Variants in JPH2 observed in about 807,000 individuals in gnomAD.
The protein encoded by JPH2 is junctophilin-2.
A neutral mutation model predicts 55.9 loss-of-function variants in JPH2; 38 were observed. That is an observed-to-expected ratio of 0.68 (90% CI 0.52 to 0.89). The LOEUF (loss-of-function observed/expected upper bound fraction) is 0.89, where lower values mean the gene tolerates loss of function less well. JPH2 is among the 40% of genes least tolerant of loss of function. The pLI is 0.00. For missense variants in JPH2, 964 were observed against 1,037.6 expected (o/e 0.93, Z 0.97); for synonymous variants, 480 against 472.4 (o/e 1.02, Z -0.21).
At chr20:44,133,303 A>C (rs924478884) in intron 2 of JPH2, among the ~76,000 whole-genome samples, 8 of 151,238 alleles carry the variant, frequency 5.3e-5, no homozygotes, top group Non-Finnish European at 1.2e-4. Context: ...GGATATTCTG[A>C]ATGTGCATAA....
intron 2 of JPH2, among the ~76,000 whole-genome samples, chr20:44,152,674 G>A (rs545093165): frequency 6.6e-6 from 1 of 152,340 alleles, no homozygotes; most frequent in East Asian, 1.9e-4. Flanking sequence ...CCAGTGTCAG[G>A]CCCTCTTCCC....
rs142377629 is a variant in JPH2, at chr20:44,186,424, G to A, written c.282C>T (p.Tyr94=). 2.4e-5 allele frequency: 38 copies of A among 1,613,730 alleles called. No homozygotes were observed. Among genetic ancestry groups the A allele is most frequent in the African/African-American group, 9.4e-5 (7 of 74,838 alleles). ...GEWTHGFKGR[Y]GIRQSSSSGA... ...CGCTGCTTGAGCTCTGCCGGATTCC[G>A]TAGCGTCCCTTGAAGCCATGTGTCC... Residue 94 remains tyrosine, a synonymous_variant, in exon 1 of 6, where the codon TAC becomes TAT. Coordinates refer to ENST00000372980, the MANE Select transcript of JPH2 (RefSeq NM_020433.5).
At chr20:44,126,134 A>G (rs796673855) in intron 2 of JPH2, among the ~76,000 whole-genome samples, 1 of 50,250 alleles carries the variant, frequency 2.0e-5, no homozygotes, top group African/African-American at 8.2e-5. Flanking sequence ...TCAGAAGAAA[A>G]AGAGAGAGGG....
Position 44,160,229 on chromosome 20 carries a change from G to A in JPH2, c.558C>T (p.Asp186=). 21 of 1,491,938 alleles carry A rather than the reference G, an allele frequency of 1.4e-5. No individual in the cohort carries two copies. Among genetic ancestry groups the A allele is most frequent in the Non-Finnish European group, 1.8e-5 (20 of 1,126,170 alleles). 92.4% of individuals were successfully genotyped at this position (1,491,938 alleles called of 1,614,324 possible). The change falls in exon 2 of 6, where the codon GAC becomes GAT. Residue 186 remains aspartate (D), a synonymous_variant. Coordinates refer to ENST00000372980, the MANE Select transcript of JPH2 (RefSeq NM_020433.5). The surrounding 1 kb of genome is among the most constrained non-coding windows in gnomAD (Gnocchi z 4.9). ...APDSPASPAS[D]GPALPSPAIP... ...TGGCGGGCGAGGGCAGCGCGGGGCC[G>A]TCGGAGGCCGGCGAGGCGGGAGAGT...
At chr20:44,175,370 A>G (rs1408627837) in intron 1 of JPH2, among the ~76,000 whole-genome samples, 1 of 152,192 alleles carries the variant, frequency 6.6e-6, no homozygotes, top group Non-Finnish European at 1.5e-5. Flanking sequence ...ACTTCATCGC[A>G]TGGTCTCATA....
At chr20:44,121,273 T>C (rs1246624394) in intron 2 of JPH2, among the ~76,000 whole-genome samples, 1 of 152,148 alleles carries the variant, frequency 6.6e-6, no homozygotes, top group Non-Finnish European at 1.5e-5. Flanking sequence ...AGGAAGAGCT[T>C]TGTGCCTTCG....
At chr20:44,132,562 C>T (rs369996521) in intron 2 of JPH2, among the ~76,000 whole-genome samples, 5 of 151,762 alleles carry the variant, frequency 3.3e-5, no homozygotes, top group East Asian at 3.9e-4. Flanking sequence ...GGCCCAAGCA[C>T]GAGGCCGGAG....
Position 44,160,181 on chromosome 20 carries a change from G to A in JPH2, c.606C>T (p.Leu202=). 7.1e-7 allele frequency: 1 copy of A among 1,404,492 alleles called. No homozygotes were observed. The allele number at this position is 1,404,492 out of a possible 1,614,324, so 87.0% of individuals were successfully genotyped here. A position where few individuals can be genotyped will look rare whatever the true frequency, so the allele number is the denominator to read the frequency against. Residue 202 remains leucine (L), a synonymous_variant, in exon 2 of 6, where the codon CTC becomes CTT. Transcript: ENST00000372980. The surrounding 1 kb of genome is among the most constrained non-coding windows in gnomAD (Gnocchi z 4.9). The stretch of plus-strand genomic sequence containing the variant: ...CCGCCTCGGCATTGGCCAGGAGGCT[G>A]AGCGCGAAGCCGCCACGCGGGATGG... ...SPAIPRGGFA[L]SLLANAEAAA...
rs2072596992 is a variant in JPH2 at position 44,160,003 on chromosome 20, A to G, written c.784T>C (p.Ser262Pro). ...DLSSGASDAASTASLGEAAEG... is the reference protein window; with the variant it reads ...DLSSGASDAAPTASLGEAAEG... ...GCGGCCTCTCCCAGGCTGGCGGTGG[A>G]CGCGGCGTCGCTGGCGCCCGAGCTG... The change falls in exon 2 of 6, where the codon TCC (serine) becomes CCC (proline). Residue 262 changes from serine to proline, a missense_variant. Ser to Pro is a moderately conservative substitution (Grantham distance 74, BLOSUM62 -1). Coordinates refer to ENST00000372980, the MANE Select transcript of JPH2 (RefSeq NM_020433.5). The surrounding 1 kb of genome is among the most constrained non-coding windows in gnomAD (Gnocchi z 4.9). 6.3e-7 allele frequency: 1 copy of G among 1,577,972 alleles called. No individual in the cohort carries two copies. The highest frequency in any genetic ancestry group is 8.6e-7 in the Non-Finnish European group (1 of 1,168,598).
chr20:44,144,648 C>G (rs1160201274), intron 2 of JPH2, among the ~76,000 whole-genome samples: 1 of 152,118 alleles, frequency 6.6e-6, no homozygotes, highest in East Asian at 1.9e-4. Flanking sequence ...AGAGACTTTC[C>G]CTCCCCACCG....
chr20:44,147,427 G>A (rs1034050295), intron 2 of JPH2, among the ~76,000 whole-genome samples: 1 of 152,166 alleles, frequency 6.6e-6, no homozygotes, highest in Admixed American at 6.5e-5. Context: ...CTAAAGGGAG[G>A]AAGATAAATC....
At chr20:44,167,744 G>T (rs528304916) in intron 1 of JPH2, among the ~76,000 whole-genome samples, 2 of 152,112 alleles carry the variant, frequency 1.3e-5, no homozygotes, top group South Asian at 4.1e-4. Context: ...TTAAGCCTGC[G>T]GAGCCTCAGT....
At chr20:44,126,143 G>GAGA (rs1569186855) in intron 2 of JPH2, among the ~76,000 whole-genome samples, 1 of 26,230 alleles carries the variant, frequency 3.8e-5, no homozygotes, top group Admixed American at 5.6e-4. Flanking sequence ...AAAGAGAGAG[G>GAGA]GAGGGAGGGA....
chr20:44,186,989 A>C lies in JPH2; in HGVS notation c.-284T>G. 3 of 518,864 alleles carry C rather than the reference A, an allele frequency of 5.8e-6. No homozygotes were observed. The highest frequency in any genetic ancestry group is 3.4e-5 in the East Asian group (1 of 29,348). The allele number at this position is 518,864 out of a possible 1,614,324, so 32.1% of individuals were successfully genotyped here. ...GAAGGAAAGGTTCAAAGTCCCCACA[A>C]AGCGTCCCAAGTCTGCCTTCCAAGA... On this transcript the variant is annotated 5_prime_UTR_variant, in exon 1 of 6. Coordinates refer to ENST00000372980, the MANE Select transcript of JPH2 (RefSeq NM_020433.5).
In JPH2 at chr20:44,108,395, T is replaced by C. The variant is rs76979957; in HGVS notation, c.*5123A>G. Among the ~76,000 whole-genome samples, 353 of 152,110 alleles carry C rather than the reference T, an allele frequency of 2.3e-3. 11 individuals carry two copies. The East Asian group carries it at 0.06, about 26-fold the overall frequency. On this transcript the variant is annotated 3_prime_UTR_variant, in exon 6 of 6. Coordinates refer to ENST00000372980, the MANE Select transcript of JPH2 (RefSeq NM_020433.5). ...GAATTATTGAGTATGAGGATAATCA[T>C]AGGAACCCCCTTGTTTGTAGCCAGT... is the stretch of plus-strand genomic sequence containing the variant.
chr20:44,123,059 T>C (rs62205906), intron 2 of JPH2, among the ~76,000 whole-genome samples: 361 of 152,256 alleles, frequency 2.4e-3, no homozygotes, highest in Non-Finnish European at 3.7e-3. Context: ...CCCTGGAAGA[T>C]TCTGGGGGAC....
chr20:44,176,415 C>T (rs530963303), intron 1 of JPH2, among the ~76,000 whole-genome samples: 136 of 148,938 alleles, frequency 9.1e-4, no homozygotes, highest in African/African-American at 2.9e-3. Flanking sequence ...GCCTTGGCCT[C>T]TTAAAGCGCT....
intron 2 of JPH2, among the ~76,000 whole-genome samples, chr20:44,120,920 G>C (rs1203806384): frequency 6.6e-6 from 1 of 152,212 alleles, no homozygotes; most frequent in Non-Finnish European, 1.5e-5. Flanking sequence ...GCATGGCCAG[G>C]AACTGAGGAC....
intron 1 of JPH2, among the ~76,000 whole-genome samples, chr20:44,162,046 T>G (rs529625557): frequency 2.2e-4 from 33 of 152,220 alleles, no homozygotes; most frequent in Non-Finnish European, 4.4e-4. Flanking sequence ...TGAAAGGCAG[T>G]TCTCTGCCTT....
Sources: allele counts gnomAD v4.1 joint callset (sites outside exome capture counted in the v4.1 genomes callset), GRCh38; gene constraint gnomAD v4.1.1; non-coding constraint Gnocchi (gnomAD v3.1); transcripts MANE v1.5; gene names NCBI Gene and HGNC (gene_info 2026-07-23, HGNC 2026-07-21).